The following DPYD variants were observed in gnomAD, a reference collection of about 807,000 sequenced individuals.
DPYD encodes the protein dihydropyrimidine dehydrogenase [NADP(+)].
A neutral mutation model predicts 116.2 loss-of-function variants in DPYD; 109 were observed. That is an observed-to-expected ratio of 0.94 (90% CI 0.80 to 1.10). DPYD has a LOEUF of 1.10. DPYD is among the 50% of genes least tolerant of loss of function. The pLI is 0.00. For synonymous variants in DPYD, 440 were observed against 432.0 expected (o/e 1.02, Z -0.23); for missense variants, 1,302 against 1,254.5 (o/e 1.04, Z -0.57).
At chr1:97,711,233 T>C (rs1662267800) in intron 5 of DPYD, among the ~76,000 whole-genome samples, 4 of 151,894 alleles carry the variant, frequency 2.6e-5, no homozygotes, top group Admixed American at 2.0e-4. Flanking sequence ...ACCAATTGAA[T>C]AGAGTGGTTA....
Position 97,921,013 on chromosome 1 carries a change from G to A in DPYD, c.-91C>T. The A allele has an allele frequency of 4.0e-6, 6 of 1,510,940 alleles. No homozygotes were observed. The highest frequency in any genetic ancestry group is 2.0e-5 in the Admixed American group (1 of 50,834). 93.6% of individuals were successfully genotyped at this position (1,510,940 alleles called of 1,614,324 possible). A position where few individuals can be genotyped will look rare whatever the true frequency, so the allele number is the denominator to read the frequency against. On this transcript the variant is annotated 5_prime_UTR_variant, in exon 1 of 23. Transcript: ENST00000370192. The stretch of plus-strand genomic sequence containing the variant: ...AGAGCCAAGTGACAGCAGCCGGAGC[G>A]CGAGTCGAAAACAGGCAGACTAGGG...
chr1:97,626,828 G>A (rs1037570578), intron 8 of DPYD, among the ~76,000 whole-genome samples: 1 of 152,078 alleles, frequency 6.6e-6, no homozygotes, highest in South Asian at 2.1e-4. Flanking sequence ...AAGCATCTCA[G>A]TAAAATATAT....
chr1:97,745,935 A>G (rs1341017747), intron 3 of DPYD, among the ~76,000 whole-genome samples: 1 of 152,122 alleles, frequency 6.6e-6, no homozygotes, highest in Non-Finnish European at 1.5e-5. Context: ...CTGAGAAAAA[A>G]GCAGTTAAGA....
At chr1:97,457,494 T>C (rs1239714689) in intron 13 of DPYD, among the ~76,000 whole-genome samples, 2 of 152,190 alleles carry the variant, frequency 1.3e-5, no homozygotes, top group Non-Finnish European at 2.9e-5. Flanking sequence ...TGGTTTGTTT[T>C]GTTTTTTGAC....
chr1:97,406,716 C>T (rs925502624), intron 14 of DPYD, among the ~76,000 whole-genome samples: 6 of 152,116 alleles, frequency 3.9e-5, no homozygotes, highest in Admixed American at 2.0e-4. Context: ...CATGTGTAAC[C>T]GGAAACAAGC....
chr1:97,162,141 C>A (rs192800782), intron 20 of DPYD, among the ~76,000 whole-genome samples: 2,507 of 151,882 alleles, frequency 0.017, 64 homozygotes, highest in African/African-American at 0.057. Context: ...CCTGAGGAAT[C>A]GCCACACTGA....
intron 1 of DPYD, among the ~76,000 whole-genome samples, chr1:97,912,227 T>C (rs575307846): frequency 2.2e-4 from 33 of 152,090 alleles, no homozygotes; most frequent in Non-Finnish European, 4.4e-4. Context: ...ATGCACTATA[T>C]ATCATTGAGC....
At chr1:97,212,357 G>A (rs1660090594) in intron 19 of DPYD, among the ~76,000 whole-genome samples, 1 of 151,988 alleles carries the variant, frequency 6.6e-6, no homozygotes, top group Non-Finnish European at 1.5e-5. Flanking sequence ...CATTTAGCAT[G>A]TTTTTATACA....
At chr1:97,238,690 G>A (rs1455650933) in intron 18 of DPYD, among the ~76,000 whole-genome samples, 1 of 152,188 alleles carries the variant, frequency 6.6e-6, no homozygotes, top group Non-Finnish European at 1.5e-5. Context: ...AGTGATTAAT[G>A]ATTTTAGACC....
chr1:97,779,794 T>C (rs1034520100), intron 3 of DPYD, among the ~76,000 whole-genome samples: 2 of 152,142 alleles, frequency 1.3e-5, no homozygotes, highest in African/African-American at 4.8e-5. Flanking sequence ...CCATTTACTT[T>C]ATGTAACAAC....
intron 12 of DPYD, chr1:97,546,552 G>C (rs1650881806): frequency 6.3e-7 from 1 of 1,599,668 alleles, no homozygotes; most frequent in African/African-American, 1.3e-5. Context: ...AGCAAGAAGA[G>C]AGCGCTCTAT....
At chr1:97,590,413 A>G (rs1306160689) in intron 10 of DPYD, among the ~76,000 whole-genome samples, 1 of 152,160 alleles carries the variant, frequency 6.6e-6, no homozygotes, top group Non-Finnish European at 1.5e-5. Flanking sequence ...TATTCATTCC[A>G]CAATTATTGG....
intron 13 of DPYD, among the ~76,000 whole-genome samples, chr1:97,464,238 C>CAATAAAATAAAAT (rs1553179458): frequency 2.9e-5 from 4 of 138,600 alleles, no homozygotes; most frequent in Non-Finnish European, 6.2e-5. Flanking sequence ...GACTCTGTCT[C>CAATAAAATAAAAT]AAAATAAAAT....
chr1:97,548,518 C>T (rs1259537068), intron 12 of DPYD, among the ~76,000 whole-genome samples: 1 of 152,084 alleles, frequency 6.6e-6, no homozygotes, highest in Non-Finnish European at 1.5e-5. Flanking sequence ...GGGCGGATCA[C>T]TTGAGGCCAG....
At chr1:97,430,580 C>G (rs1339914994) in intron 14 of DPYD, among the ~76,000 whole-genome samples, 4 of 75,168 alleles carry the variant, frequency 5.3e-5, no homozygotes, top group African/African-American at 2.1e-4. Flanking sequence ...CAGAGTGAAA[C>G]TCAGTCTTGG....
chr1:97,869,333 C>A (rs779871485), intron 2 of DPYD, among the ~76,000 whole-genome samples: 6 of 151,524 alleles, frequency 4.0e-5, no homozygotes, highest in Admixed American at 6.6e-5. Flanking sequence ...TCAAATTTAT[C>A]CAGAATTTGT....
intron 16 of DPYD, among the ~76,000 whole-genome samples, chr1:97,358,196 T>C (rs10875073): frequency 0.26 from 39,638 of 152,184 alleles, 5,410 homozygotes; most frequent in East Asian, 0.48. Flanking sequence ...GCCTTGCTTA[T>C]GGCTAGCGCA....
At chr1:97,580,817 G>A (rs779866525) in intron 10 of DPYD, among the ~76,000 whole-genome samples, 1 of 152,098 alleles carries the variant, frequency 6.6e-6, no homozygotes, top group Non-Finnish European at 1.5e-5. Context: ...GATTGATTTA[G>A]CCAACAGGAT....
At chr1:97,513,216 G>A (rs1461834142) in intron 13 of DPYD, among the ~76,000 whole-genome samples, 2 of 151,414 alleles carry the variant, frequency 1.3e-5, no homozygotes, top group Non-Finnish European at 3.0e-5. Context: ...TCAAAAGCAT[G>A]TTCCAAACTC....
Sources: gnomAD v4.1 joint callset for allele counts (sites outside exome capture counted in the v4.1 genomes callset) on GRCh38, gnomAD v4.1.1 for gene constraint, MANE v1.5 for transcripts, NCBI Gene and HGNC (gene_info 2026-07-23, HGNC 2026-07-21) for gene names.